The following EPB41 variants were observed in gnomAD, a reference collection of about 807,000 sequenced individuals.
EPB41 encodes protein 4.1.
EPB41 carries 65 observed loss-of-function variants against 108.0 expected under a neutral mutation model. The observed-to-expected ratio is 0.60, with a 90% CI of 0.49 to 0.74. The LOEUF is 0.74. Among genes scored for constraint, EPB41 ranks in the 30% least tolerant of loss-of-function variants. The pLI is 0.00. For synonymous variants in EPB41, 336 were observed against 358.9 expected, an observed-to-expected ratio of 0.94 and a Z score of 0.72; for missense variants, 875 against 1,037.0, an observed-to-expected ratio of 0.84 and a Z score of 2.15.
At chr1:28,961,251 A>C (rs564709411) in intron 1 of EPB41, among the ~76,000 whole-genome samples, 1 of 152,274 alleles carries the variant, frequency 6.6e-6, no homozygotes, top group South Asian at 2.1e-4. Flanking sequence ...GGGCTTTCCT[A>C]TATAATAAAT....
Position 29,115,674 on chromosome 1 carries a change from T to C in EPB41, c.2497-25T>C, listed in dbSNP as rs752181007. 8 of 1,600,296 alleles carry C rather than the reference T, an allele frequency of 5.0e-6. No homozygotes were observed. The highest frequency in any genetic ancestry group is 6.9e-6 in the Non-Finnish European group (8 of 1,167,798). On this transcript the variant is annotated intron_variant, in intron 19 of 20. Transcript: ENST00000343067. The surrounding 1 kb of genome is among the most constrained non-coding windows in gnomAD (Gnocchi z 4.4). ...CGCCATCAGGCTATTTTCTGCCTCA[T>C]TGCCCTTGTTTCTGTCTTTTGTAGG...
At chr1:28,940,583 C>T (rs1227197749) in intron 1 of EPB41, among the ~76,000 whole-genome samples, 1 of 152,122 alleles carries the variant, frequency 6.6e-6, no homozygotes, top group South Asian at 2.1e-4. Flanking sequence ...ACCCGGGAGG[C>T]GGAGGTTGCA....
At chr1:28,959,728 G>A (rs1480932584) in intron 1 of EPB41, among the ~76,000 whole-genome samples, 1 of 152,024 alleles carries the variant, frequency 6.6e-6, no homozygotes, top group Admixed American at 6.5e-5. Context: ...CAAGTGATTG[G>A]GTTTAACTAA....
At chr1:29,063,932 T>C (rs1401015186) in intron 15 of EPB41, among the ~76,000 whole-genome samples, 3 of 152,216 alleles carry the variant, frequency 2.0e-5, no homozygotes, top group Non-Finnish European at 4.4e-5. Flanking sequence ...TCCTTTTACA[T>C]AAACCTGAAT....
chr1:28,947,330 C>T (rs1465148865), intron 1 of EPB41, among the ~76,000 whole-genome samples: 1 of 151,748 alleles, frequency 6.6e-6, no homozygotes, highest in Non-Finnish European at 1.5e-5. Flanking sequence ...ATCGCTTGAT[C>T]TCGGGAGGCG....
At chr1:28,986,312 A>G (rs1215662055) in intron 1 of EPB41, among the ~76,000 whole-genome samples, 1 of 152,210 alleles carries the variant, frequency 6.6e-6, no homozygotes, top group Admixed American at 6.5e-5. Context: ...AGTCGACTTC[A>G]TTGCCCAGTG....
intron 1 of EPB41, among the ~76,000 whole-genome samples, chr1:28,897,605 G>GAAGGGA (rs2090816610): frequency 1.8e-5 from 1 of 57,112 alleles, no homozygotes. Context: ...AAGGGAAGGG[G>GAAGGGA]AGGGGAGGGG....
At chr1:29,010,722 A>G (rs1379146980) in intron 4 of EPB41, among the ~76,000 whole-genome samples, 2 of 152,200 alleles carry the variant, frequency 1.3e-5, no homozygotes, top group Non-Finnish European at 2.9e-5. Flanking sequence ...GTGAAGGACA[A>G]GATTGGCGTG....
intron 2 of EPB41, 36 bp from the exon 3 acceptor site, chr1:28,993,294 G>A (rs1557946769): frequency 6.4e-7 from 1 of 1,554,092 alleles, no homozygotes; most frequent in Admixed American, 1.7e-5. Context: ...TGTGAAATGT[G>A]TTTATTACTG....
intron 11 of EPB41, among the ~76,000 whole-genome samples, chr1:29,043,555 T>C (rs1050670217): frequency 6.6e-6 from 1 of 152,192 alleles, no homozygotes; most frequent in African/African-American, 2.4e-5. Context: ...CCACATGTGG[T>C]GTGTAGCTCA....
At chr1:29,066,856 T>A (rs893157696) in intron 16 of EPB41, among the ~76,000 whole-genome samples, 1 of 151,400 alleles carries the variant, frequency 6.6e-6, no homozygotes, top group Non-Finnish European at 1.5e-5. Context: ...TATATTTTTA[T>A]TAAAGATGGG....
intron 16 of EPB41, among the ~76,000 whole-genome samples, chr1:29,074,796 A>G (rs1653144757): frequency 1.3e-5 from 2 of 152,250 alleles, no homozygotes; most frequent in Admixed American, 6.5e-5. Flanking sequence ...AAAGCCAAAT[A>G]ACTTGAATAA....
At chr1:29,054,920 C>A (rs1645116773) in intron 12 of EPB41, among the ~76,000 whole-genome samples, 1 of 152,184 alleles carries the variant, frequency 6.6e-6, no homozygotes, top group South Asian at 2.1e-4. Context: ...TGCCTGTAAT[C>A]CCAGCTACTG....
intron 1 of EPB41, among the ~76,000 whole-genome samples, chr1:28,930,150 CTTTTTTTTTTTT>C (rs772932485): frequency 8.2e-6 from 1 of 122,644 alleles, no homozygotes; most frequent in African/African-American, 3.1e-5. Flanking sequence ...ATGTTGCTTC[CTTTTTTTTTTTT>C]TTTTTTTTTA....
At chr1:29,101,127 G>A (rs1665213972) in intron 17 of EPB41, among the ~76,000 whole-genome samples, 1 of 152,090 alleles carries the variant, frequency 6.6e-6, no homozygotes, top group Non-Finnish European at 1.5e-5. Flanking sequence ...GAGTGGCTGA[G>A]GCAGGAGAAT....
intron 1 of EPB41, among the ~76,000 whole-genome samples, chr1:28,920,780 C>T (rs1323651340): frequency 3.3e-5 from 5 of 152,098 alleles, no homozygotes; most frequent in Non-Finnish European, 7.4e-5. Context: ...GCTGGAGCTA[C>T]AGGCTCCACA....
At chr1:29,008,502 A>G (rs1316198465) in intron 4 of EPB41, among the ~76,000 whole-genome samples, 2 of 152,198 alleles carry the variant, frequency 1.3e-5, no homozygotes, top group African/African-American at 4.8e-5. Flanking sequence ...AATGGTAGAG[A>G]GGATGAGGCA....
At chr1:28,958,797 T>A (rs1347965536) in intron 1 of EPB41, among the ~76,000 whole-genome samples, 1 of 121,766 alleles carries the variant, frequency 8.2e-6, no homozygotes, top group Non-Finnish European at 1.6e-5. Flanking sequence ...CCAGCCTGGG[T>A]GACAGAGGGA....
chr1:29,087,727 G>A (rs185413217), intron 16 of EPB41, among the ~76,000 whole-genome samples: 1 of 152,110 alleles, frequency 6.6e-6, no homozygotes, highest in Non-Finnish European at 1.5e-5. Context: ...AACTCATAAA[G>A]GCATATATAT....
Sources: allele counts gnomAD v4.1 joint callset (sites outside exome capture counted in the v4.1 genomes callset), GRCh38; gene constraint gnomAD v4.1.1; non-coding constraint Gnocchi (gnomAD v3.1); transcripts MANE v1.5; gene names NCBI Gene and HGNC (gene_info 2026-07-23, HGNC 2026-07-21).